PALM2AKAP2: variants seen among roughly 807,000 people sequenced by gnomAD.
PALM2AKAP2 encodes the protein PALM2 and AKAP2 fusion.
A neutral mutation model predicts 71.5 loss-of-function variants in PALM2AKAP2; 37 were observed. The observed-to-expected ratio is 0.52, with a 90% confidence interval of 0.40 to 0.68. The LOEUF (loss-of-function observed/expected upper bound fraction) is 0.68. Among genes scored for constraint, PALM2AKAP2 ranks in the 30% least tolerant of loss-of-function variants. PALM2AKAP2 has a pLI of 0.00. For missense variants in PALM2AKAP2, 1,224 were observed against 1,191.8 expected (o/e 1.03, Z -0.40); for synonymous variants, 468 against 478.8 (o/e 0.98, Z 0.29).
chr9:110,120,996 G>A (rs1481314294), intron 1 of PALM2AKAP2, among the ~76,000 whole-genome samples: 1 of 152,188 alleles, frequency 6.6e-6, no homozygotes, highest in Non-Finnish European at 1.5e-5. Context: ...GGGTCCATAT[G>A]TTTGTATGTT....
chr9:110,015,514 A>G (rs959628536), intron 6 of PALM2AKAP2, among the ~76,000 whole-genome samples: 3 of 152,202 alleles, frequency 2.0e-5, no homozygotes, highest in African/African-American at 7.2e-5. Context: ...AGGCTGAGGC[A>G]GGAGAATTGC....
intron 1 of PALM2AKAP2, among the ~76,000 whole-genome samples, chr9:109,817,492 A>G (rs190516941): frequency 1.7e-4 from 26 of 152,338 alleles, no homozygotes; most frequent in Admixed American, 1.5e-3. Context: ...TTTTGATCTG[A>G]AAAACAAAAG....
chr9:109,709,809 C>T (rs1828204620), intron 1 of PALM2AKAP2, among the ~76,000 whole-genome samples: 1 of 152,210 alleles, frequency 6.6e-6, no homozygotes, highest in African/African-American at 2.4e-5. Flanking sequence ...AAAAGCTGCT[C>T]TTCCTTCAGG....
intron 1 of PALM2AKAP2, among the ~76,000 whole-genome samples, chr9:109,847,846 T>C (rs1454004283): frequency 2.6e-5 from 4 of 152,224 alleles, no homozygotes; most frequent in Non-Finnish European, 5.9e-5. Context: ...CACCTGGCTG[T>C]AGGTGACTTT....
At chr9:110,160,074 C>A (rs7032382) in intron 3 of PALM2AKAP2, among the ~76,000 whole-genome samples, 85,296 of 152,018 alleles carry the variant, frequency 0.56, 25,046 homozygotes, top group East Asian at 0.86. Context: ...ACCATCCCCA[C>A]CCCTACCCAC....
rs143307682 is a variant in PALM2AKAP2, at chr9:109,927,308, T to G, written c.394+2226T>G. Among the ~76,000 whole-genome samples, 19 of 152,348 alleles carry G rather than the reference T, an allele frequency of 1.2e-4. No individual in the cohort carries two copies. The East Asian group carries it at 3.7e-3, about 29-fold the overall frequency. On this transcript the variant is annotated intron_variant, in intron 5 of 9. Transcript: ENST00000302798. ...CCCAGTTGAGGGACTTTGGGATGTC[T>G]CTTTATCTTCTCATTCTTCAATTTC...
intron 1 of PALM2AKAP2, among the ~76,000 whole-genome samples, chr9:109,827,786 A>G (rs1461376252): frequency 2.0e-5 from 3 of 152,050 alleles, no homozygotes; most frequent in Non-Finnish European, 2.9e-5. Flanking sequence ...ATTTAGCCCC[A>G]TGGGGCTAGA....
In PALM2AKAP2 at chr9:110,163,655, C is replaced by A. The variant is rs58110947; in HGVS notation, c.2749-4744C>A. 2.1e-3 allele frequency among the ~76,000 whole-genome samples: 317 copies of A among 152,252 alleles called. 1 individual carries two copies. The highest frequency in any genetic ancestry group is 0.014 in the Middle Eastern group (4 of 294). The stretch of plus-strand genomic sequence containing the variant: ...AAATCATGTTGCAGTATCTTCTGCT[C>A]CTGACTTTGTTCTGTCTGCATTGTT... On this transcript the variant is annotated intron_variant, in intron 3 of 3. Transcript: ENST00000374525.
chr9:110,008,599 A>G (rs1197264922), intron 6 of PALM2AKAP2, among the ~76,000 whole-genome samples: 1 of 152,160 alleles, frequency 6.6e-6, no homozygotes, highest in Non-Finnish European at 1.5e-5. Context: ...AGGCGAGTCT[A>G]GAAGGACTCC....
intron 1 of PALM2AKAP2, among the ~76,000 whole-genome samples, chr9:109,814,725 A>G (rs1274772575): frequency 6.6e-6 from 1 of 152,236 alleles, no homozygotes; most frequent in East Asian, 1.9e-4. Flanking sequence ...TGGCAATTTA[A>G]TTTTGAACAC....
In PALM2AKAP2 at chr9:110,156,307, G is replaced by A. The variant is rs370722940; in HGVS notation, c.2570-12G>A. On this transcript the variant is annotated splice_polypyrimidine_tract_variant and intron_variant, in intron 2 of 3. Transcript: ENST00000374525. ...CAAGCTTAGAAAGGGTATTTTCTTC[G>A]TGTTGTTTCAGGGAAAATAGAGAAA... The A allele has an allele frequency of 6.2e-5, 97 of 1,557,274 alleles. No homozygotes were observed. Among genetic ancestry groups the A allele is most frequent in the South Asian group, 1.1e-4 (9 of 82,450 alleles).
chr9:109,943,121 C>T (rs944960032), intron 6 of PALM2AKAP2: 2 of 1,614,086 alleles, frequency 1.2e-6, no homozygotes, highest in South Asian at 2.2e-5. Context: ...CAGCCCGTCA[C>T]CATGATTTTT....
At chr9:109,643,589 A>G (rs1827105559) in intron 1 of PALM2AKAP2, among the ~76,000 whole-genome samples, 1 of 152,172 alleles carries the variant, frequency 6.6e-6, no homozygotes, top group Non-Finnish European at 1.5e-5. Context: ...CTTGTGAACA[A>G]AGACCTTCCT....
intron 1 of PALM2AKAP2, among the ~76,000 whole-genome samples, chr9:110,130,861 T>G (rs1835718433): frequency 6.6e-6 from 1 of 152,208 alleles, no homozygotes; most frequent in Admixed American, 6.5e-5. Context: ...AATCCACAAA[T>G]TTGAACACCA....
chr9:109,968,961 G>A (rs1241138025), intron 6 of PALM2AKAP2, among the ~76,000 whole-genome samples: 2 of 152,118 alleles, frequency 1.3e-5, no homozygotes, highest in Non-Finnish European at 2.9e-5. Flanking sequence ...CAGACAGAGA[G>A]ACTGTGGTAA....
chr9:109,657,428 CT>C (rs1406654295), intron 1 of PALM2AKAP2, among the ~76,000 whole-genome samples: 1 of 146,202 alleles, frequency 6.8e-6, no homozygotes, highest in Non-Finnish European at 1.5e-5. Flanking sequence ...TTTATGTTTT[CT>C]GAGAACAAAA....
intron 3 of PALM2AKAP2, among the ~76,000 whole-genome samples, chr9:109,917,649 C>T (rs1170948508): frequency 6.6e-6 from 1 of 151,964 alleles, no homozygotes; most frequent in Non-Finnish European, 1.5e-5. Context: ...TCACCATGCC[C>T]AGCTAACTTT....
chr9:110,019,992 A>G (rs1193867590), intron 7 of PALM2AKAP2, among the ~76,000 whole-genome samples: 1 of 152,198 alleles, frequency 6.6e-6, no homozygotes, highest in Non-Finnish European at 1.5e-5. Context: ...CTCTGTATAT[A>G]ACTGCCTGGA....
In PALM2AKAP2 at chr9:110,086,705, T is replaced by C. The variant is rs572541173; in HGVS notation, c.156+37850T>C. Among the ~76,000 whole-genome samples, 456 of 152,364 alleles carry C rather than the reference T, an allele frequency of 3.0e-3. 1 individual carries two copies. Among genetic ancestry groups the C allele is most frequent in the Non-Finnish European group, 4.4e-3 (301 of 68,032 alleles). Reference sequence around the variant, plus strand: ...GGCCCAGTTGGCACCATCAGGTTTCTGGACACAGAGGCAGTATTTTCCATC... The same window carrying C: ...GGCCCAGTTGGCACCATCAGGTTTCCGGACACAGAGGCAGTATTTTCCATC... On this transcript the variant is annotated intron_variant, in intron 1 of 3. Coordinates refer to ENST00000374525, the Ensembl canonical transcript of PALM2AKAP2.
Sources: allele counts gnomAD v4.1 joint callset (sites outside exome capture counted in the v4.1 genomes callset), GRCh38; gene constraint gnomAD v4.1.1; transcripts MANE v1.5; gene names NCBI Gene and HGNC (gene_info 2026-07-23, HGNC 2026-07-21).